GXYLT1: variants seen among roughly 807,000 people sequenced by gnomAD.
The protein encoded by GXYLT1 is glycosyltransferase 8 domain containing 3.
In GXYLT1, 29 loss-of-function variants were observed where a neutral mutation model predicts 54.0. That is an observed-to-expected ratio of 0.54 (90% CI 0.40 to 0.73). The LOEUF (loss-of-function observed/expected upper bound fraction) is 0.73. GXYLT1 is among the 30% of genes least tolerant of loss of function. The pLI is 0.00. For synonymous variants in GXYLT1, 176 were observed against 204.1 expected (o/e 0.86, Z 1.17); for missense variants, 490 against 553.4 (o/e 0.89, Z 1.15).
At chr12:42,104,797 T>C (rs1169828369) in intron 5 of GXYLT1, among the ~76,000 whole-genome samples, 6 of 152,180 alleles carry the variant, frequency 3.9e-5, no homozygotes, top group Admixed American at 3.3e-4. Flanking sequence ...TACATACATA[T>C]AAATGTACAC....
intron 2 of GXYLT1, among the ~76,000 whole-genome samples, chr12:42,124,469 CAATA>C (rs2065549092): frequency 6.6e-6 from 1 of 151,728 alleles, no homozygotes; most frequent in South Asian, 2.1e-4. Context: ...ATTAAAAATT[CAATA>C]GATAACTATC....
intron 1 of GXYLT1, among the ~76,000 whole-genome samples, chr12:42,138,028 G>A (rs2065630683): frequency 1.3e-5 from 2 of 152,162 alleles, no homozygotes; most frequent in Admixed American, 1.3e-4. Flanking sequence ...AGCACTTTGG[G>A]AGTCTGAGGC....
intron 2 of GXYLT1, among the ~76,000 whole-genome samples, chr12:42,120,320 T>C (rs1023905329): frequency 2.6e-5 from 4 of 152,248 alleles, no homozygotes; most frequent in African/African-American, 9.6e-5. Flanking sequence ...ATAACACACA[T>C]TCATTCCCAT....
At chr12:42,130,676 C>G (rs2065588936) in intron 1 of GXYLT1, among the ~76,000 whole-genome samples, 1 of 152,132 alleles carries the variant, frequency 6.6e-6, no homozygotes, top group South Asian at 2.1e-4. Context: ...CACAGACAGG[C>G]ACAGTGGCTC....
chr12:42,084,458 A>G lies in GXYLT1; in HGVS notation c.*3328T>C, dbSNP rs1374413232. 1 of 62,274 alleles carries G rather than the reference A, an allele frequency of 1.6e-5. No homozygotes were observed. 3.9% of individuals were successfully genotyped at this position (62,274 alleles called of 1,614,324 possible). On this transcript the variant is annotated 3_prime_UTR_variant, in exon 8 of 8. Transcript: ENST00000398675. Reference sequence around the variant, plus strand: ...GTAAACTGAACGCTCTGTACAGAAAACAACGAACAAAACAGAACTTCAACA... The same window carrying G: ...GTAAACTGAACGCTCTGTACAGAAAGCAACGAACAAAACAGAACTTCAACA...
intron 1 of GXYLT1, among the ~76,000 whole-genome samples, chr12:42,143,627 T>C (rs1196559791): frequency 1.3e-5 from 2 of 152,244 alleles, no homozygotes; most frequent in Non-Finnish European, 2.9e-5. Flanking sequence ...AGTGTCCATG[T>C]TGCAAGGCAG....
intron 3 of GXYLT1, among the ~76,000 whole-genome samples, chr12:42,116,081 A>G (rs566798423): frequency 6.6e-6 from 1 of 152,148 alleles, no homozygotes; most frequent in Non-Finnish European, 1.5e-5. Flanking sequence ...AGCCATACGT[A>G]GAAAGCTGAA....
chr12:42,096,659 T>C (rs2065357509), intron 7 of GXYLT1, among the ~76,000 whole-genome samples: 1 of 152,168 alleles, frequency 6.6e-6, no homozygotes, highest in Non-Finnish European at 1.5e-5. Flanking sequence ...TGGTGAAGAT[T>C]GTTTTGGGCA....
chr12:42,123,348 C>G (rs956178664), intron 2 of GXYLT1, among the ~76,000 whole-genome samples: 1 of 152,072 alleles, frequency 6.6e-6, no homozygotes, highest in African/African-American at 2.4e-5. Context: ...GTCCTAATGC[C>G]TGCTGTCTCT....
At chr12:42,106,692 T>C (rs844045) in intron 4 of GXYLT1, among the ~76,000 whole-genome samples, 2,990 of 152,008 alleles carry the variant, frequency 0.02, 115 homozygotes, top group African/African-American at 0.068. Flanking sequence ...GAGATAAATC[T>C]TCAACATGTG....
chr12:42,119,519 T>G (rs2065518002), intron 2 of GXYLT1, among the ~76,000 whole-genome samples: 2 of 151,996 alleles, frequency 1.3e-5, no homozygotes, highest in South Asian at 4.2e-4. Context: ...AGTTCAAAAT[T>G]TTTATTTATA....
At chr12:42,112,662 T>C (rs553409349) in intron 3 of GXYLT1, among the ~76,000 whole-genome samples, 17 of 152,236 alleles carry the variant, frequency 1.1e-4, no homozygotes, top group African/African-American at 3.9e-4. Context: ...AATCTACGTC[T>C]GATTGGTGTA....
At chr12:42,125,805 A>G (rs2065557229) in intron 2 of GXYLT1, among the ~76,000 whole-genome samples, 1 of 152,138 alleles carries the variant, frequency 6.6e-6, no homozygotes, top group African/African-American at 2.4e-5. Flanking sequence ...ACTTGAGCTC[A>G]GTTGTTCATG....
At chr12:42,106,724 G>T (rs1171358520) in intron 4 of GXYLT1, among the ~76,000 whole-genome samples, 1 of 150,498 alleles carries the variant, frequency 6.6e-6, no homozygotes, top group Non-Finnish European at 1.5e-5. Flanking sequence ...GAATTTTAAG[G>T]ATAATTATTA....
At chr12:42,126,461 T>C (rs1055700434) in intron 2 of GXYLT1, among the ~76,000 whole-genome samples, 1 of 152,134 alleles carries the variant, frequency 6.6e-6, no homozygotes, top group Admixed American at 6.5e-5. Context: ...TGATTTTGTT[T>C]TAAAGACATA....
rs2065669851 is a variant in GXYLT1 at position 42,144,518 on chromosome 12, G to GGCCTGCGGCTTCCCGCCACCGCC, written c.106_128dup (p.Ser47GlyfsTer19). 1 of 1,254,028 alleles carries GGCCTGCGGCTTCCCGCCACCGCC rather than the reference G, an allele frequency of 8.0e-7. No individual in the cohort carries two copies. Among genetic ancestry groups the GGCCTGCGGCTTCCCGCCACCGCC allele is most frequent in the Non-Finnish European group, 1.0e-6 (1 of 991,694 alleles). The allele number at this position is 1,254,028 out of a possible 1,614,324, so 77.7% of individuals were successfully genotyped here. On this transcript the variant is annotated frameshift_variant, in exon 1 of 8. Transcript: ENST00000398675. LOFTEE classifies it high-confidence loss of function. The stretch of plus-strand genomic sequence containing the variant: ...CGCCCGCGAGCCAGGAAGCCACCGC[G>GGCCTGCGGCTTCCCGCCACCGCC]GCCTGCGGCTTCCCGCCACCGCCGC...
chr12:42,122,121 A>C (rs1044452514), intron 2 of GXYLT1, among the ~76,000 whole-genome samples: 5 of 152,232 alleles, frequency 3.3e-5, no homozygotes, highest in African/African-American at 1.2e-4. Flanking sequence ...CTGGATTTAA[A>C]GAAATGTAAT....
intron 7 of GXYLT1, among the ~76,000 whole-genome samples, 183 bp downstream of exon 7, chr12:42,097,259 T>C (rs1217294190): frequency 6.6e-6 from 1 of 151,896 alleles, no homozygotes; most frequent in African/African-American, 2.4e-5. Context: ...AAAAAACAAC[T>C]ACATTGTTTT....
At position 42,083,956 on chromosome 12, in the gene GXYLT1, T is replaced by C. The variant is rs1338923625; in HGVS notation, c.*3830A>G. The C allele has an allele frequency of 6.6e-6, 1 of 151,744 alleles. No homozygotes were observed. The highest frequency in any genetic ancestry group is 1.9e-4 in the East Asian group (1 of 5,188). 9.4% of individuals were successfully genotyped at this position (151,744 alleles called of 1,614,324 possible). A position where few individuals can be genotyped will look rare whatever the true frequency, so the allele number is the denominator to read the frequency against. On this transcript the variant is annotated 3_prime_UTR_variant, in exon 8 of 8. Coordinates refer to ENST00000398675, the MANE Select transcript of GXYLT1 (RefSeq NM_173601.2). The stretch of plus-strand genomic sequence containing the variant: ...AAGATACTTGTATTTCCACAGGTCC[T>C]AGCTCACAAACTGGGATCCACTAAA...
Sources: allele counts gnomAD v4.1 joint callset (sites outside exome capture counted in the v4.1 genomes callset), GRCh38; gene constraint gnomAD v4.1.1; transcripts MANE v1.5; gene names NCBI Gene and HGNC (gene_info 2026-07-23, HGNC 2026-07-21).